Variants in SLC35F1 observed in about 807,000 individuals in gnomAD.
SLC35F1 encodes solute carrier family 35 member F1.
A neutral mutation model predicts 48.7 loss-of-function variants in SLC35F1; 14 were observed. That is an observed-to-expected ratio of 0.29 (90% CI 0.19 to 0.45). The LOEUF is 0.45. Among genes scored for constraint, SLC35F1 ranks in the 20% least tolerant of loss-of-function variants. The pLI is 1.00. For missense variants in SLC35F1, 404 were observed against 500.0 expected, an observed-to-expected ratio of 0.81 and a Z score of 1.83; for synonymous variants, 190 against 202.2, an observed-to-expected ratio of 0.94 and a Z score of 0.51.
At chr6:118,281,657 A>G (rs1181846072) in intron 6 of SLC35F1, among the ~76,000 whole-genome samples, 1 of 152,140 alleles carries the variant, frequency 6.6e-6, no homozygotes, top group African/African-American at 2.4e-5. Context: ...ATCTCAGGTA[A>G]TGTGGCCTCC....
At chr6:118,197,102 A>G (rs1198293845) in intron 2 of SLC35F1, among the ~76,000 whole-genome samples, 1 of 152,122 alleles carries the variant, frequency 6.6e-6, no homozygotes, top group Non-Finnish European at 1.5e-5. Flanking sequence ...ATATCAAAAC[A>G]TCAAGTTTTA....
At chr6:118,029,778 A>T (rs971962866) in intron 1 of SLC35F1, among the ~76,000 whole-genome samples, 1 of 152,216 alleles carries the variant, frequency 6.6e-6, no homozygotes, top group Non-Finnish European at 1.5e-5. Flanking sequence ...TTACTAAAAA[A>T]GTATGAATTT....
At chr6:117,965,627 G>T (rs768548869) in intron 1 of SLC35F1, among the ~76,000 whole-genome samples, 3 of 152,198 alleles carry the variant, frequency 2.0e-5, no homozygotes, top group Non-Finnish European at 4.4e-5. Flanking sequence ...CCACCCCACA[G>T]CTGGGGTGGT....
At chr6:118,242,758 T>TA (rs1775457328) in intron 3 of SLC35F1, among the ~76,000 whole-genome samples, 1 of 152,354 alleles carries the variant, frequency 6.6e-6, no homozygotes, top group Admixed American at 6.5e-5. Context: ...GCAAACAGAT[T>TA]AAACTAGTGT....
intron 1 of SLC35F1, among the ~76,000 whole-genome samples, chr6:118,027,862 C>G (rs115927010): frequency 6.6e-6 from 1 of 152,006 alleles, no homozygotes; most frequent in South Asian, 2.1e-4. Context: ...GAGACAAGAT[C>G]GGGCATGTTC....
At chr6:118,048,402 G>C (rs1303645511) in intron 1 of SLC35F1, among the ~76,000 whole-genome samples, 1 of 151,946 alleles carries the variant, frequency 6.6e-6, no homozygotes, top group Non-Finnish European at 1.5e-5. Flanking sequence ...CTCATAAAAT[G>C]AGTAAAGAGG....
intron 1 of SLC35F1, among the ~76,000 whole-genome samples, chr6:117,997,628 T>C (rs1323226739): frequency 4.6e-5 from 7 of 152,182 alleles, no homozygotes; most frequent in African/African-American, 1.7e-4. Flanking sequence ...TTCAACATTC[T>C]TAAAGAAAAG....
At chr6:118,267,394 G>C (rs1775787302) in intron 4 of SLC35F1, among the ~76,000 whole-genome samples, 1 of 152,342 alleles carries the variant, frequency 6.6e-6, no homozygotes, top group South Asian at 2.1e-4. Flanking sequence ...CATCCATTCA[G>C]AAACATGCAG....
chr6:118,030,655 C>T (rs1772031975), intron 1 of SLC35F1, among the ~76,000 whole-genome samples: 1 of 152,110 alleles, frequency 6.6e-6, no homozygotes, highest in Non-Finnish European at 1.5e-5. Context: ...AAAACACAAT[C>T]ATCCCCCTAT....
At chr6:117,930,072 C>T (rs1214662972) in intron 1 of SLC35F1, among the ~76,000 whole-genome samples, 1 of 152,176 alleles carries the variant, frequency 6.6e-6, no homozygotes. Context: ...GGGCTTGAAC[C>T]TATTTGGATC....
chr6:118,301,203 T>C (rs1276164351), intron 7 of SLC35F1, among the ~76,000 whole-genome samples: 1 of 152,122 alleles, frequency 6.6e-6, no homozygotes, highest in Non-Finnish European at 1.5e-5. Flanking sequence ...TTAATGAAGG[T>C]TTATTTTCAC....
At chr6:118,174,082 C>G (rs1406243662) in intron 2 of SLC35F1, among the ~76,000 whole-genome samples, 1 of 152,154 alleles carries the variant, frequency 6.6e-6, no homozygotes, top group Non-Finnish European at 1.5e-5. Context: ...ACAAGCCTGA[C>G]ACAAGTGAAA....
intron 2 of SLC35F1, among the ~76,000 whole-genome samples, chr6:118,165,382 C>T (rs1041212533): frequency 4.6e-5 from 7 of 152,186 alleles, no homozygotes; most frequent in Admixed American, 3.3e-4. Flanking sequence ...ACTCCCTTGA[C>T]TGAGACAGAA....
intron 1 of SLC35F1, among the ~76,000 whole-genome samples, chr6:117,991,184 CTG>C (rs1385986752): frequency 6.6e-6 from 1 of 152,090 alleles, no homozygotes; most frequent in Admixed American, 6.5e-5. Context: ...ATAATGAAAA[CTG>C]TACTAAATTG....
intron 1 of SLC35F1, among the ~76,000 whole-genome samples, chr6:118,126,333 T>G (rs531180864): frequency 4.0e-4 from 61 of 152,254 alleles, no homozygotes; most frequent in African/African-American, 1.4e-3. Context: ...CTGTTCCATT[T>G]ATCTATATCT....
At chr6:118,181,225 T>C (rs961820189) in intron 2 of SLC35F1, among the ~76,000 whole-genome samples, 1 of 152,136 alleles carries the variant, frequency 6.6e-6, no homozygotes, top group Non-Finnish European at 1.5e-5. Context: ...AAGGCAAATC[T>C]ATACAAATAT....
intron 1 of SLC35F1, among the ~76,000 whole-genome samples, chr6:118,010,770 G>A (rs994172885): frequency 2.0e-5 from 3 of 152,098 alleles, no homozygotes; most frequent in Non-Finnish European, 4.4e-5. Context: ...AGACCATTGC[G>A]AAGTGAGTAG....
At chr6:118,184,730 C>T (rs1318515934) in intron 2 of SLC35F1, among the ~76,000 whole-genome samples, 2 of 152,108 alleles carry the variant, frequency 1.3e-5, no homozygotes, top group African/African-American at 4.8e-5. Flanking sequence ...GTTTGAACTT[C>T]GGGGCACATC....
chr6:118,224,911 C>T (rs1385385135), intron 2 of SLC35F1, among the ~76,000 whole-genome samples: 1 of 151,984 alleles, frequency 6.6e-6, no homozygotes, highest in Non-Finnish European at 1.5e-5. Context: ...CTTTATCTTG[C>T]CTAATTGCTC....
Sources: allele counts gnomAD v4.1 joint callset (sites outside exome capture counted in the v4.1 genomes callset), GRCh38; gene constraint gnomAD v4.1.1; transcripts MANE v1.5; gene names NCBI Gene and HGNC (gene_info 2026-07-23, HGNC 2026-07-21).